The following PLEKHA6 variants were observed in gnomAD, a reference collection of about 807,000 sequenced individuals.
PLEKHA6 encodes pleckstrin homology domain containing A6, also known as pleckstrin homology domain-containing family A member 6.
Under a neutral mutation model 116.7 loss-of-function variants are expected in PLEKHA6, and 60 were observed. The observed-to-expected ratio is 0.51, with a 90% CI of 0.42 to 0.64. The LOEUF (loss-of-function observed/expected upper bound fraction) is 0.64, where lower values mean the gene tolerates loss of function less well. Among genes scored for constraint, PLEKHA6 ranks in the 30% least tolerant of loss-of-function variants. The probability of loss-of-function intolerance (pLI) is 0.00; values close to 1 mark genes in which losing one functional copy is unlikely to be tolerated. For missense variants in PLEKHA6, 1,338 were observed against 1,422.7 expected, an observed-to-expected ratio of 0.94 and a Z score of 0.96; for synonymous variants, 489 against 556.1, an observed-to-expected ratio of 0.88 and a Z score of 1.70.
intron 1 of PLEKHA6, among the ~76,000 whole-genome samples, chr1:204,330,791 G>C (rs540981857): frequency 6.6e-6 from 1 of 152,128 alleles, no homozygotes; most frequent in Non-Finnish European, 1.5e-5. Flanking sequence ...TCTGTCTTTC[G>C]ATGTGAAGCA....
At chr1:204,349,126 G>A (rs538721751) in intron 1 of PLEKHA6, among the ~76,000 whole-genome samples, 1 of 152,346 alleles carries the variant, frequency 6.6e-6, no homozygotes, top group East Asian at 1.9e-4. Context: ...CCCTGAGACA[G>A]CAGACAAGAG....
intron 1 of PLEKHA6, chr1:204,275,063 G>T: frequency 2.7e-6 from 1 of 375,172 alleles, no homozygotes; most frequent in Non-Finnish European, 3.7e-6. Context: ...GTTCTCTGAG[G>T]CTGGAAATAA....
intron 3 of PLEKHA6, among the ~76,000 whole-genome samples, chr1:204,365,635 C>A (rs1186757583): frequency 6.6e-6 from 1 of 152,160 alleles, no homozygotes; most frequent in Non-Finnish European, 1.5e-5. Context: ...AAGCAGAAAT[C>A]AATTATGCCT....
In PLEKHA6 at chr1:204,221,485, G is replaced by T. The variant is rs1459301142; in HGVS notation, c.*1303C>A. 1 of 152,574 alleles carries T rather than the reference G, an allele frequency of 6.6e-6. No homozygotes were observed. Among genetic ancestry groups the T allele is most frequent in the Non-Finnish European group, 1.5e-5 (1 of 68,022 alleles). The allele number at this position is 152,574 out of a possible 1,614,324, so 9.5% of individuals were successfully genotyped here. Reference sequence around the variant, plus strand: ...TCTGTCTTCCCCGCTGCCCTCCCGGGGCAGGTGGATCATGAGAGCGCCTAG... The same window carrying T: ...TCTGTCTTCCCCGCTGCCCTCCCGGTGCAGGTGGATCATGAGAGCGCCTAG... On this transcript the variant is annotated 3_prime_UTR_variant, in exon 23 of 23. Transcript: ENST00000272203.
In PLEKHA6 at chr1:204,229,027, C is replaced by A. The variant is rs1460020517; in HGVS notation, c.2661G>T (p.Gly887=). The stretch of plus-strand genomic sequence containing the variant: ...CCTCCCGGGGTGTCTCGTAGGCATG[C>A]CCGCCAGGCTCCTCTGCCCGCAGGG... ...EAALRAEEPG[G]HAYETPREEI... is the part of the protein sequence containing the mutation. Residue 887 remains glycine (G), a synonymous_variant, in exon 19 of 23, where the codon GGG becomes GGT. Transcript: ENST00000272203. 2 of 1,614,056 alleles carry A rather than the reference C, an allele frequency of 1.2e-6. No individual in the cohort carries two copies. Among genetic ancestry groups the A allele is most frequent in the African/African-American group, 2.7e-5 (2 of 74,912 alleles).
At chr1:204,325,803 G>T (rs1453700107) in intron 1 of PLEKHA6, 1 of 561,420 alleles carries the variant, frequency 1.8e-6, no homozygotes, top group Non-Finnish European at 2.3e-6. Flanking sequence ...TACTCTGCCT[G>T]TCCCTAAGGT....
intron 9 of PLEKHA6, among the ~76,000 whole-genome samples, chr1:204,251,350 C>T (rs2102669745): frequency 6.6e-6 from 1 of 152,252 alleles, no homozygotes; most frequent in Admixed American, 6.5e-5. Context: ...TTGGGTTTAC[C>T]CATGAAAGTG....
upstream of PLEKHA6, among the ~76,000 whole-genome samples, chr1:204,361,531 G>A (rs568136846): frequency 3.3e-4 from 51 of 152,250 alleles, no homozygotes; most frequent in Non-Finnish European, 5.6e-4. Flanking sequence ...CTGGGGTTAG[G>A]GCAGCAGGCG....
rs1371794605 is a variant in PLEKHA6, at chr1:204,267,535, C to A, written c.220G>T (p.Val74Phe). ...AACCAGCGCTTGTTCCACTGCTTAACCCCGGAGCTGGCCTGCGGGACATGG... is the reference window on the plus strand; with the variant it reads ...AACCAGCGCTTGTTCCACTGCTTAAACCCGGAGCTGGCCTGCGGGACATGG... Reference protein sequence around the residue: ...GWLFKQASSGVKQWNKRWFVL... With the variant: ...GWLFKQASSGFKQWNKRWFVL... Residue 74 changes from valine to phenylalanine, a missense_variant, in exon 5 of 23, where the codon GTT becomes TTT. Physicochemically the swap from Val to Phe is conservative, Grantham distance 50 (BLOSUM62 -1). Transcript: ENST00000272203. The A allele has an allele frequency of 1.9e-6, 3 of 1,614,044 alleles. No homozygotes were observed. Among genetic ancestry groups the A allele is most frequent in the Non-Finnish European group, 2.5e-6 (3 of 1,179,962 alleles).
intron 1 of PLEKHA6, chr1:204,313,650 C>T: frequency 2.0e-6 from 2 of 984,954 alleles, no homozygotes; most frequent in Non-Finnish European, 2.4e-6. Flanking sequence ...GATTCTCCAC[C>T]TCCATGCCCC....
Position 204,261,028 on chromosome 1 carries a change from C to T in PLEKHA6, c.524+278G>A, listed in dbSNP as rs1486624348. 6.6e-6 allele frequency among the ~76,000 whole-genome samples: 1 copy of T among 152,168 alleles called. No homozygotes were observed. Among genetic ancestry groups the T allele is most frequent in the Non-Finnish European group, 1.5e-5 (1 of 68,032 alleles). On this transcript the variant is annotated intron_variant, in intron 7 of 22. Coordinates refer to ENST00000272203, the MANE Select transcript of PLEKHA6 (RefSeq NM_014935.5). The surrounding 1 kb of genome is among the most constrained non-coding windows in gnomAD (Gnocchi z 4.0). ...CAGCCGAGAAAAACCAGCAAATGACCCTGACCTCTGGCTCCTGGCCAGACC... is the reference window on the plus strand; with the variant it reads ...CAGCCGAGAAAAACCAGCAAATGACTCTGACCTCTGGCTCCTGGCCAGACC...
Position 204,247,465 on chromosome 1 carries a change from G to C in PLEKHA6, c.1825-5C>G. 2 of 1,590,776 alleles carry C rather than the reference G, an allele frequency of 1.3e-6. No homozygotes were observed. The highest frequency in any genetic ancestry group is 1.7e-6 in the Non-Finnish European group (2 of 1,159,576). ...TATGGTGCTGTTTGTCAGGGCCTAC[G>C]GGGGAAAGAGGCGTTCACTGAGAAA... On this transcript the variant is annotated splice_region_variant and splice_polypyrimidine_tract_variant and intron_variant, in intron 12 of 22. Coordinates refer to ENST00000272203, the MANE Select transcript of PLEKHA6 (RefSeq NM_014935.5).
Position 204,223,756 on chromosome 1 carries a change from G to A in PLEKHA6, c.3032-171C>T, listed in dbSNP as rs1253114065. ...TAGGCCAAGCTGTCCTCATTCCCAG[G>A]GCGTCGTGGAGGAGAGTGTGAGGCC... On this transcript the variant is annotated intron_variant, in intron 21 of 22. Transcript: ENST00000272203. The surrounding 1 kb of genome is among the most constrained non-coding windows in gnomAD (Gnocchi z 4.8). Among the ~76,000 whole-genome samples the A allele has an allele frequency of 1.3e-5, 2 of 152,136 alleles. No homozygotes were observed. Among genetic ancestry groups the A allele is most frequent in the Non-Finnish European group, 2.9e-5 (2 of 68,022 alleles).
intron 1 of PLEKHA6, chr1:204,309,137 A>G (rs983415892): frequency 1.3e-6 from 1 of 774,204 alleles, no homozygotes. Flanking sequence ...ATTTCTGTTA[A>G]GGGAAATATT....
At chr1:204,363,920 C>T (rs1673606699), upstream of PLEKHA6, among the ~76,000 whole-genome samples, 2 of 152,144 alleles carry the variant, frequency 1.3e-5, no homozygotes, top group South Asian at 4.1e-4. Flanking sequence ...CTTGTTCTCT[C>T]CTCCTCCCAC....
In PLEKHA6 at chr1:204,357,097, G is replaced by C. The variant is rs114708284; in HGVS notation, c.-95+2597C>G. 1.3e-3 allele frequency among the ~76,000 whole-genome samples: 194 copies of C among 152,328 alleles called. 1 individual carries two copies. The highest frequency in any genetic ancestry group is 4.6e-3 in the African/African-American group (191 of 41,562). ...AAACTATTTTTATGACCACGTAAAA[G>C]AGAGAGGTGACTTGTTCTGCACAGC... On this transcript the variant is annotated intron_variant, in intron 1 of 22. Coordinates refer to ENST00000272203, the MANE Select transcript of PLEKHA6 (RefSeq NM_014935.5).
At chr1:204,312,886 CTTTT>C (rs1553276457) in intron 1 of PLEKHA6, among the ~76,000 whole-genome samples, 1 of 143,056 alleles carries the variant, frequency 7.0e-6, no homozygotes, top group African/African-American at 2.7e-5. Context: ...CTTTTCTTTT[CTTTT>C]TTTTCTTTTC....
chr1:204,224,836 CA>C lies in PLEKHA6; in HGVS notation c.3032-1252del, dbSNP rs147414795. Among the ~76,000 whole-genome samples, 773 of 152,298 alleles carry C rather than the reference CA, an allele frequency of 5.1e-3. 2 individuals are homozygous for C. Among genetic ancestry groups the C allele is most frequent in the Middle Eastern group, 0.014 (4 of 294 alleles). On this transcript the variant is annotated intron_variant, in intron 21 of 22. Transcript: ENST00000272203. Reference sequence around the variant, plus strand: ...CGTGTGCATAGCCACATCACTGACCCAACGCTTAGTCATCTAGCAGTCTCAA... The same window carrying C: ...CGTGTGCATAGCCACATCACTGACCCACGCTTAGTCATCTAGCAGTCTCAA...
intron 10 of PLEKHA6, among the ~76,000 whole-genome samples, chr1:204,250,078 C>A (rs1269249327): frequency 2.0e-5 from 3 of 152,204 alleles, no homozygotes; most frequent in Non-Finnish European, 4.4e-5. Flanking sequence ...TACCGTGTTG[C>A]CACCTCCTGC....
Sources: gnomAD v4.1 joint callset for allele counts (sites outside exome capture counted in the v4.1 genomes callset) on GRCh38, gnomAD v4.1.1 for gene constraint, Gnocchi (gnomAD v3.1) non-coding constraint, MANE v1.5 for transcripts, NCBI Gene and HGNC (gene_info 2026-07-23, HGNC 2026-07-21) for gene names.